The following ERICH1 variants were observed in gnomAD, a reference collection of about 807,000 sequenced individuals.
The protein encoded by ERICH1 is glutamate rich 1.
A neutral mutation model predicts 39.6 loss-of-function variants in ERICH1; 56 were observed. That is an observed-to-expected ratio of 1.41 (90% CI 1.14 to 1.77). The LOEUF (loss-of-function observed/expected upper bound fraction) is 1.77, where lower values mean the gene tolerates loss of function less well. Among genes scored for constraint, ERICH1 ranks in the 40% most tolerant of loss-of-function variants. The pLI is 0.00. For missense variants in ERICH1, 826 were observed against 575.4 expected (o/e 1.44, Z -4.45); for synonymous variants, 313 against 223.6 (o/e 1.40, Z -3.57).
chr8:661,905 C>T (rs185681476), downstream of ERICH1, among the ~76,000 whole-genome samples: 33 of 152,082 alleles, frequency 2.2e-4, no homozygotes, highest in South Asian at 1.0e-3. Context: ...ACCCAGGAAA[C>T]GGCCACACGT....
chr8:709,544 G>C (rs1381663912), intron 2 of ERICH1, among the ~76,000 whole-genome samples: 1 of 152,232 alleles, frequency 6.6e-6, no homozygotes, highest in South Asian at 2.1e-4. Flanking sequence ...TTTGAGACTA[G>C]GTCAACTCAC....
chr8:683,081 T>C (rs2131970744), intron 3 of ERICH1, among the ~76,000 whole-genome samples: 1 of 152,288 alleles, frequency 6.6e-6, no homozygotes, highest in South Asian at 2.1e-4. Flanking sequence ...ATTGTACTCA[T>C]TTAGCCAAGG....
chr8:672,580 C>T (rs1563221981), intron 4 of ERICH1, among the ~76,000 whole-genome samples: 1 of 152,036 alleles, frequency 6.6e-6, no homozygotes, highest in Non-Finnish European at 1.5e-5. Context: ...CCTATACCCA[C>T]AAAAATTAAA....
At chr8:640,347 C>T (rs543391198) in intron 3 of ERICH1, among the ~76,000 whole-genome samples, 48 of 152,312 alleles carry the variant, frequency 3.2e-4, no homozygotes, top group Non-Finnish European at 5.9e-4. Context: ...GAGCTCTCTC[C>T]GCCTGCTTAT....
intron 1 of ERICH1, among the ~76,000 whole-genome samples, chr8:721,623 A>G (rs1406175326): frequency 1.3e-5 from 2 of 152,224 alleles, no homozygotes; most frequent in Non-Finnish European, 2.9e-5. Flanking sequence ...GGTTCTTGGA[A>G]CCGTCAGAGG....
intron 1 of ERICH1, among the ~76,000 whole-genome samples, chr8:730,779 A>G (rs894212141): frequency 6.6e-6 from 1 of 152,148 alleles, no homozygotes; most frequent in Non-Finnish European, 1.5e-5. Context: ...CCCACCCCGG[A>G]GCCCTGGGCT....
At chr8:667,842 G>A (rs1451767751) in intron 5 of ERICH1, 1 of 152,712 alleles carries the variant, frequency 6.5e-6, no homozygotes, top group African/African-American at 2.4e-5. Flanking sequence ...CACTTACTCT[G>A]AAACTCCCTC....
At chr8:724,680 T>A (rs1818163212) in intron 1 of ERICH1, among the ~76,000 whole-genome samples, 1 of 152,200 alleles carries the variant, frequency 6.6e-6, no homozygotes, top group African/African-American at 2.4e-5. Context: ...CACCTTTTAC[T>A]CCAATATTGT....
rs151143472 is a variant in ERICH1, at chr8:673,660, T to G, written c.692A>C (p.Glu231Ala). ...CTCGCTAGCGTCCGCACCATCTTCC[T>G]CCCTGGTATCTTTAACGTCTTCCTC... The part of the protein sequence containing the change: ...AGEEDVKDTR[E>A]EDGADASEED... Residue 231 changes from glutamate to alanine, a missense_variant, in exon 4 of 6, where the codon GAG becomes GCG. Coordinates refer to ENST00000262109, the MANE Select transcript of ERICH1 (RefSeq NM_207332.3). 3.3e-5 allele frequency: 54 copies of G among 1,612,890 alleles called. 1 individual carries two copies. In the Middle Eastern group the frequency reaches 5.0e-4, roughly 15 times the overall value.
intron 3 of ERICH1, among the ~76,000 whole-genome samples, chr8:630,199 C>CCACACACA (rs1175943422): frequency 9.4e-6 from 1 of 105,844 alleles, no homozygotes; most frequent in African/African-American, 3.9e-5. Flanking sequence ...CCGTGACCAC[C>CCACACACA]CAGAGCTGAC....
intron 2 of ERICH1, among the ~76,000 whole-genome samples, chr8:711,355 C>T (rs1465955727): frequency 6.6e-6 from 1 of 152,136 alleles, no homozygotes; most frequent in Non-Finnish European, 1.5e-5. Context: ...ATCAACTGGA[C>T]ATCTACTTAT....
At chr8:718,146 C>A (rs555805885) in intron 1 of ERICH1, among the ~76,000 whole-genome samples, 1 of 151,582 alleles carries the variant, frequency 6.6e-6, no homozygotes, top group Non-Finnish European at 1.5e-5. Flanking sequence ...GGGTACAGAT[C>A]GGAGCGCACG....
chr8:641,571 T>TC (rs1563179996), intron 3 of ERICH1, among the ~76,000 whole-genome samples: 1 of 152,242 alleles, frequency 6.6e-6, no homozygotes, highest in Non-Finnish European at 1.5e-5. Flanking sequence ...AAAGACCTTT[T>TC]CACACAGATT....
intron 3 of ERICH1, among the ~76,000 whole-genome samples, chr8:677,825 C>T (rs1264308777): frequency 6.6e-6 from 1 of 152,106 alleles, no homozygotes; most frequent in Non-Finnish European, 1.5e-5. Flanking sequence ...GTCACGGGGG[C>T]GACCCTCATC....
At chr8:675,322 T>C (rs866373930) in intron 3 of ERICH1, among the ~76,000 whole-genome samples, 1 of 664 alleles carries the variant, frequency 1.5e-3, no homozygotes, top group Non-Finnish European at 3.1e-3. Context: ...CGGCCCCTCG[T>C]GAGGACAGAG....
rs199799472 is a variant in ERICH1, at chr8:727,216, A to G, written c.22+3924T>C. Among the ~76,000 whole-genome samples, 613 of 152,174 alleles carry G rather than the reference A, an allele frequency of 4.0e-3. 6 individuals are homozygous for G. Among genetic ancestry groups the G allele is most frequent in the African/African-American group, 0.014 (591 of 41,512 alleles). ...GGCATACACAGACACGTGCACACAT[A>G]GGAACAGCGGCACACATACATGCAT... is the stretch of plus-strand genomic sequence containing the variant. On this transcript the variant is annotated intron_variant, in intron 1 of 5. Transcript: ENST00000262109.
Position 673,566 on chromosome 8 carries a change from C to A in ERICH1, c.786G>T (p.Gly262=). 2 of 1,551,694 alleles carry A rather than the reference C, an allele frequency of 1.3e-6. No homozygotes were observed. Among genetic ancestry groups the A allele is most frequent in the Non-Finnish European group, 1.8e-6 (2 of 1,131,792 alleles). ...DASEEDPTPA[G]EEDVKDAREE... ...CCCTGGCGTCTTTAACGTCTTCCTC[C>A]CCGGCCGGTGTCGGATCTTCCTCAC... Residue 262 remains glycine, a synonymous_variant, in exon 4 of 6, where the codon GGG becomes GGT. Coordinates refer to ENST00000262109, the MANE Select transcript of ERICH1 (RefSeq NM_207332.3).
intron 4 of ERICH1, among the ~76,000 whole-genome samples, chr8:669,838 A>C (rs1394053295): frequency 6.6e-6 from 1 of 152,274 alleles, no homozygotes; most frequent in Non-Finnish European, 1.5e-5. Context: ...GCTGTTCAGC[A>C]GTATGACTGC....
intron 3 of ERICH1, among the ~76,000 whole-genome samples, chr8:617,251 G>A (rs1307780351): frequency 1.8e-4 from 28 of 152,134 alleles, no homozygotes; most frequent in Admixed American, 1.8e-3. Context: ...TACTCCGATT[G>A]CTGGGAGCGT....
Sources: gnomAD v4.1 joint callset for allele counts (sites outside exome capture counted in the v4.1 genomes callset) on GRCh38, gnomAD v4.1.1 for gene constraint, MANE v1.5 for transcripts, NCBI Gene and HGNC (gene_info 2026-07-23, HGNC 2026-07-21) for gene names.